The following SGPP1 variants were observed in gnomAD, a reference collection of about 807,000 sequenced individuals.
SGPP1 encodes the protein sphingosine-1-phosphate phosphatase 1.
A neutral mutation model predicts 33.0 loss-of-function variants in SGPP1; 21 were observed. The ratio of observed to expected loss-of-function variants is 0.64; its 90% confidence interval spans 0.45 to 0.92. The LOEUF (loss-of-function observed/expected upper bound fraction) is 0.92, where lower values mean the gene tolerates loss of function less well. Among genes scored for constraint, SGPP1 ranks in the 40% least tolerant of loss-of-function variants. SGPP1 has a pLI of 0.00. For missense variants in SGPP1, 543 were observed against 589.4 expected (o/e 0.92, Z 0.81); for synonymous variants, 239 against 241.2 (o/e 0.99, Z 0.08).
intron 1 of SGPP1, among the ~76,000 whole-genome samples, chr14:63,707,841 AT>A (rs200561581): frequency 1.3e-5 from 2 of 150,138 alleles, no homozygotes; most frequent in Admixed American, 6.7e-5. Context: ...TTCTGTGCAG[AT>A]TTTTTTTTTA....
At chr14:63,693,191 C>T (rs1885121303) in intron 2 of SGPP1, among the ~76,000 whole-genome samples, 1 of 152,230 alleles carries the variant, frequency 6.6e-6, no homozygotes, top group African/African-American at 2.4e-5. Flanking sequence ...CCTCGGCCTC[C>T]CGAAGTGTTG....
intron 2 of SGPP1, among the ~76,000 whole-genome samples, chr14:63,693,842 C>T (rs1885134614): frequency 6.6e-6 from 1 of 152,272 alleles, no homozygotes; most frequent in East Asian, 1.9e-4. Context: ...TTGAACTCCT[C>T]CCACCTTGGC....
intron 2 of SGPP1, among the ~76,000 whole-genome samples, chr14:63,691,016 T>C (rs893252763): frequency 1.3e-5 from 2 of 152,132 alleles, no homozygotes; most frequent in African/African-American, 2.4e-5. Context: ...TGCCCAGCCA[T>C]GAAAAACATT....
At chr14:63,720,126 CAA>C (rs569010417) in intron 1 of SGPP1, among the ~76,000 whole-genome samples, 48 of 96,766 alleles carry the variant, frequency 5.0e-4, no homozygotes, top group African/African-American at 1.2e-3. Flanking sequence ...CTGCATCTCA[CAA>C]AAAAAAAAAA....
intron 1 of SGPP1, among the ~76,000 whole-genome samples, chr14:63,726,459 A>T (rs202172882): frequency 4.7e-4 from 72 of 151,636 alleles, no homozygotes; most frequent in Middle Eastern, 6.8e-3. Context: ...AAAAAAAAAA[A>T]TTTTCCTGAT....
At chr14:63,705,202 T>C (rs570801189) in intron 1 of SGPP1, among the ~76,000 whole-genome samples, 1 of 148,824 alleles carries the variant, frequency 6.7e-6, no homozygotes, top group African/African-American at 2.5e-5. Context: ...AAAGACAGTT[T>C]ACTAAATGGG....
In SGPP1 at chr14:63,727,306, G is replaced by A. The variant is rs111401687; in HGVS notation, c.639C>T (p.Thr213=). The A allele has an allele frequency of 6.2e-7, 1 of 1,613,928 alleles. No homozygotes were observed. Among genetic ancestry groups the A allele is most frequent in the African/African-American group, 1.3e-5 (1 of 75,050 alleles). ...GGAGGACCATAGAAATGGGGATGGC[G>A]GTGCCGGACATGGCATGGGTGGAGG... ...SMPSTHAMSG[T]AIPISMVLLT... Residue 213 remains threonine, a synonymous_variant, in exon 1 of 3, where the codon ACC becomes ACT. Transcript: ENST00000247225.
At chr14:63,705,294 A>C (rs1198788840) in intron 1 of SGPP1, among the ~76,000 whole-genome samples, 1 of 148,716 alleles carries the variant, frequency 6.7e-6, no homozygotes, top group Non-Finnish European at 1.5e-5. Flanking sequence ...AAAAACAAAA[A>C]GACAACACAA....
At chr14:63,693,166 C>CA (rs1439145370) in intron 2 of SGPP1, among the ~76,000 whole-genome samples, 4 of 152,246 alleles carry the variant, frequency 2.6e-5, no homozygotes, top group Non-Finnish European at 4.4e-5. Context: ...ATCCTGGGCT[C>CA]AAGTGATCCA....
intron 1 of SGPP1, among the ~76,000 whole-genome samples, chr14:63,703,187 CTG>C (rs1438875223): frequency 1.2e-4 from 18 of 151,552 alleles, no homozygotes; most frequent in Non-Finnish European, 1.3e-4. Context: ...CACAAATCAG[CTG>C]TGTTTCTACA....
At chr14:63,719,051 G>T (rs1222595154) in intron 1 of SGPP1, among the ~76,000 whole-genome samples, 1 of 68,416 alleles carries the variant, frequency 1.5e-5, no homozygotes, top group Non-Finnish European at 2.7e-5. Flanking sequence ...TTTTGACATG[G>T]AGTTTAGCTC....
chr14:63,704,629 C>A (rs1267811283), intron 1 of SGPP1, among the ~76,000 whole-genome samples: 1 of 152,112 alleles, frequency 6.6e-6, no homozygotes, highest in Non-Finnish European at 1.5e-5. Flanking sequence ...GCAGAAGGAT[C>A]GCTTGAGCCC....
In SGPP1 at chr14:63,727,734, T is replaced by G; in HGVS notation, c.211A>C (p.Ser71Arg). 6.9e-7 allele frequency: 1 copy of G among 1,459,514 alleles called. No homozygotes were observed. The highest frequency in any genetic ancestry group is 9.0e-7 in the Non-Finnish European group (1 of 1,113,900). The allele number at this position is 1,459,514 out of a possible 1,614,324, so 90.4% of individuals were successfully genotyped here. A position where few individuals can be genotyped will look rare whatever the true frequency, so the allele number is the denominator to read the frequency against. Residue 71 changes from serine (S) to arginine (R), a missense_variant, in exon 1 of 3, where the codon AGC becomes CGC. Transcript: ENST00000247225. ...GAPGGPQPPG[S>R]DRNQCPAKPD... ...TTGGCCGGGCACTGATTGCGGTCGC[T>G]CCCGGGAGGCTGGGGGCCTCCAGGC...
intron 1 of SGPP1, among the ~76,000 whole-genome samples, chr14:63,722,957 G>A (rs1256749474): frequency 7.0e-6 from 1 of 143,666 alleles, no homozygotes; most frequent in Non-Finnish European, 1.5e-5. Flanking sequence ...GAGCGACAGA[G>A]TAAGACCCTG....
chr14:63,705,738 G>C (rs1407585469), intron 1 of SGPP1, among the ~76,000 whole-genome samples: 3 of 152,122 alleles, frequency 2.0e-5, no homozygotes, highest in African/African-American at 7.2e-5. Flanking sequence ...ACTCCACTAG[G>C]ATAGCTATAA....
chr14:63,716,686 T>C (rs1163915856), intron 1 of SGPP1, among the ~76,000 whole-genome samples: 3 of 147,964 alleles, frequency 2.0e-5, no homozygotes, highest in Non-Finnish European at 4.4e-5. Flanking sequence ...TGAGTCTCTG[T>C]ACCCAATAAT....
rs1193790391 is a variant in SGPP1 at position 63,727,991 on chromosome 14, G to A, written c.-47C>T. The A allele has an allele frequency of 2.7e-6, 4 of 1,499,706 alleles. No individual in the cohort carries two copies. In the South Asian group the frequency reaches 3.7e-5, roughly 14 times the overall value. 92.9% of individuals were successfully genotyped at this position (1,499,706 alleles called of 1,614,324 possible). A position where few individuals can be genotyped will look rare whatever the true frequency, so the allele number is the denominator to read the frequency against. On this transcript the variant is annotated 5_prime_UTR_variant, in exon 1 of 3. Transcript: ENST00000247225. The stretch of plus-strand genomic sequence containing the variant: ...GCGGGCCGGCCTCCGGCGCAGCCCC[G>A]AACTGTCCCCGCGCTCCTGGCCAGC...
intron 1 of SGPP1, among the ~76,000 whole-genome samples, chr14:63,720,126 C>CA (rs569010417): frequency 0.029 from 2,770 of 96,700 alleles, 99 homozygotes; most frequent in African/African-American, 0.073. Context: ...CTGCATCTCA[C>CA]AAAAAAAAAA....
chr14:63,698,507 T>C (rs1237396340), intron 2 of SGPP1, 62 bp downstream of exon 2: 7 of 957,290 alleles, frequency 7.3e-6, no homozygotes, highest in Admixed American at 5.5e-5. Flanking sequence ...TGATTAAAAA[T>C]TATAAAATTT....
Sources: gnomAD v4.1 joint callset for allele counts (sites outside exome capture counted in the v4.1 genomes callset) on GRCh38, gnomAD v4.1.1 for gene constraint, MANE v1.5 for transcripts, NCBI Gene and HGNC (gene_info 2026-07-23, HGNC 2026-07-21) for gene names.